RPS6KC1: variants seen among roughly 807,000 people sequenced by gnomAD.
The protein encoded by RPS6KC1 is ribosomal protein S6 kinase C1, also known as inactive ribosomal protein S6 kinase delta-1.
In RPS6KC1, 54 loss-of-function variants were observed where a neutral mutation model predicts 103.8. The ratio of observed to expected loss-of-function variants is 0.52; its 90% CI spans 0.42 to 0.65. The LOEUF (loss-of-function observed/expected upper bound fraction) is 0.65, where lower values mean the gene tolerates loss of function less well. Among genes scored for constraint, RPS6KC1 ranks in the 30% least tolerant of loss-of-function variants. The pLI is 0.00. For missense variants in RPS6KC1, 1,151 were observed against 1,253.8 expected, an observed-to-expected ratio of 0.92 and a Z score of 1.24; for synonymous variants, 439 against 438.7, an observed-to-expected ratio of 1.00 and a Z score of -0.01.
chr1:213,179,391 G>T (rs1159645700), intron 8 of RPS6KC1, among the ~76,000 whole-genome samples: 1 of 151,474 alleles, frequency 6.6e-6, no homozygotes, highest in East Asian at 1.9e-4. Flanking sequence ...TTCCAGCCTG[G>T]GCAACAGAGC....
intron 6 of RPS6KC1, among the ~76,000 whole-genome samples, chr1:213,136,657 A>G (rs111514622): frequency 0.022 from 3,381 of 152,168 alleles, 122 homozygotes; most frequent in African/African-American, 0.077. Context: ...TTAAACTTTT[A>G]ACGGAAGTAT....
At chr1:213,414,280 G>A in the RPS6KC1 span, among the ~76,000 whole-genome samples, 1 of 152,198 alleles carries the variant, frequency 6.6e-6, no homozygotes, top group South Asian at 2.1e-4. Flanking sequence ...ATTGAATAGT[G>A]TCCTCCCTCA....
the RPS6KC1 span, among the ~76,000 whole-genome samples, chr1:213,411,511 C>T: frequency 3.9e-3 from 587 of 152,278 alleles, 7 homozygotes; most frequent in Middle Eastern, 3.4e-3. Context: ...GGATGGGAGA[C>T]ACTGGGATTC....
chr1:213,855,032 T>A, the RPS6KC1 span, among the ~76,000 whole-genome samples: 4 of 152,192 alleles, frequency 2.6e-5, no homozygotes, highest in African/African-American at 9.7e-5. Context: ...CCTCACATGG[T>A]GGGGAAACAG....
rs540444600 is a variant in RPS6KC1 at position 213,144,776 on chromosome 1, C to T, written c.835+14887C>T. Among the ~76,000 whole-genome samples the T allele has an allele frequency of 6.6e-5, 10 of 151,930 alleles. No homozygotes were observed. In the South Asian group the frequency reaches 1.7e-3, roughly 25 times the overall value. The stretch of plus-strand genomic sequence containing the variant: ...GTAATCCTGAATTTTCTAGTAGTCA[C>T]ATTAAAAAAAAAGATTCAGGGCCAG... On this transcript the variant is annotated intron_variant, in intron 6 of 14. Coordinates refer to ENST00000366960, the MANE Select transcript of RPS6KC1 (RefSeq NM_012424.6).
the RPS6KC1 span, among the ~76,000 whole-genome samples, chr1:213,616,891 T>C: frequency 6.6e-6 from 1 of 152,074 alleles, no homozygotes; most frequent in African/African-American, 2.4e-5. Flanking sequence ...AAAGGGACCA[T>C]GGGTTCTGGA....
the RPS6KC1 span, among the ~76,000 whole-genome samples, chr1:213,560,787 G>A: frequency 6.6e-6 from 1 of 152,148 alleles, no homozygotes; most frequent in Non-Finnish European, 1.5e-5. Flanking sequence ...GGGCCCAGAT[G>A]GATGTGGCAC....
the RPS6KC1 span, among the ~76,000 whole-genome samples, chr1:213,614,502 A>G: frequency 6.6e-6 from 1 of 152,232 alleles, no homozygotes; most frequent in Non-Finnish European, 1.5e-5. Flanking sequence ...TCTCTTTGGC[A>G]GTAGAAATTA....
the RPS6KC1 span, among the ~76,000 whole-genome samples, chr1:213,743,025 CCCA>C: frequency 6.6e-6 from 1 of 152,218 alleles, no homozygotes; most frequent in East Asian, 1.9e-4. Flanking sequence ...ACCCAGCAAT[CCCA>C]TTACTGGGTA....
chr1:213,384,289 T>A, the RPS6KC1 span, among the ~76,000 whole-genome samples: 19 of 151,398 alleles, frequency 1.3e-4, no homozygotes, highest in African/African-American at 4.6e-4. Context: ...AAAAAATATA[T>A]ATATATATAT....
downstream of RPS6KC1, among the ~76,000 whole-genome samples, chr1:213,278,091 G>C (rs1192266758): frequency 6.6e-6 from 1 of 151,950 alleles, no homozygotes; most frequent in Admixed American, 6.6e-5. Flanking sequence ...TATAGTCCCA[G>C]CTACTTGGGA....
the RPS6KC1 span, among the ~76,000 whole-genome samples, chr1:213,645,329 G>A: frequency 7.9e-5 from 12 of 152,224 alleles, no homozygotes; most frequent in Middle Eastern, 3.4e-3. Context: ...TGGGCAAGTA[G>A]AAGGTGACAA....
intron 8 of RPS6KC1, among the ~76,000 whole-genome samples, chr1:213,206,543 CAG>C (rs1253569514): frequency 2.6e-5 from 4 of 152,132 alleles, no homozygotes; most frequent in Admixed American, 6.5e-5. Context: ...TGAAAAAAGA[CAG>C]AGCCACTTAA....
the RPS6KC1 span, among the ~76,000 whole-genome samples, chr1:213,478,549 C>G: frequency 6.6e-6 from 1 of 152,152 alleles, no homozygotes. Context: ...TGGATTATGG[C>G]CATTTTAATG....
At chr1:213,851,487 C>A in the RPS6KC1 span, among the ~76,000 whole-genome samples, 1 of 152,062 alleles carries the variant, frequency 6.6e-6, no homozygotes, top group African/African-American at 2.4e-5. Context: ...ATGTTGACAC[C>A]CTCTCTTGAC....
the RPS6KC1 span, among the ~76,000 whole-genome samples, chr1:213,772,904 C>T: frequency 6.6e-6 from 1 of 152,160 alleles, no homozygotes; most frequent in Non-Finnish European, 1.5e-5. Context: ...GCGGCCAGTT[C>T]TCTCACAAAT....
chr1:213,524,397 A>T, the RPS6KC1 span, among the ~76,000 whole-genome samples: 1 of 151,430 alleles, frequency 6.6e-6, no homozygotes, highest in Admixed American at 6.6e-5. Context: ...CCCGAGAAGG[A>T]GCAGCCAGCC....
chr1:213,140,886 A>T (rs1360643207), intron 6 of RPS6KC1, among the ~76,000 whole-genome samples: 19 of 108,622 alleles, frequency 1.7e-4, no homozygotes, highest in South Asian at 2.9e-4. Flanking sequence ...TAGGATTGGT[A>T]CCTCCTCATT....
the RPS6KC1 span, among the ~76,000 whole-genome samples, chr1:213,461,575 A>C: frequency 1.3e-5 from 2 of 152,228 alleles, no homozygotes; most frequent in Non-Finnish European, 2.9e-5. Context: ...CTTGTACCAA[A>C]ACAGATATGT....
Sources: allele counts gnomAD v4.1 joint callset (sites outside exome capture counted in the v4.1 genomes callset), GRCh38; gene constraint gnomAD v4.1.1; transcripts MANE v1.5; gene names NCBI Gene and HGNC (gene_info 2026-07-23, HGNC 2026-07-21).